ZNF814: variants seen among roughly 807,000 people sequenced by gnomAD.
The protein encoded by ZNF814 is zinc finger protein 814.
A neutral mutation model predicts 7.5 loss-of-function variants in ZNF814; 5 were observed. The observed-to-expected ratio is 0.67, with a 90% CI of 0.35 to 1.40. The LOEUF (loss-of-function observed/expected upper bound fraction) is 1.40, where lower values mean the gene tolerates loss of function less well. ZNF814 is among the 40% of genes most tolerant of loss of function. ZNF814 has a pLI of 0.04. For missense variants in ZNF814, 962 were observed against 1,018.0 expected (o/e 0.94, Z 0.75); for synonymous variants, 315 against 340.7 (o/e 0.92, Z 0.83).
At position 57,871,514 on chromosome 19, in the gene ZNF814, C is replaced by T. The variant is rs945044878; in HGVS notation, c.*1308G>A. The T allele has an allele frequency of 6.6e-6, 1 of 152,254 alleles. No individual in the cohort carries two copies. Among genetic ancestry groups the T allele is most frequent in the Middle Eastern group, 3.4e-3 (1 of 294 alleles). 9.4% of individuals were successfully genotyped at this position (152,254 alleles called of 1,614,324 possible). On this transcript the variant is annotated 3_prime_UTR_variant, in exon 3 of 3. Coordinates refer to ENST00000435989, the MANE Select transcript of ZNF814 (RefSeq NM_001144989.2). ...CCACCCATACAGTGACAACAACCCT[C>T]AAGATTGAAGAAGGCTGAAACAATA...
chr19:57,876,405 A>G (rs1285954401), intron 2 of ZNF814: 2 of 161,652 alleles, frequency 1.2e-5, no homozygotes, highest in African/African-American at 4.8e-5. Flanking sequence ...AGACTAAGGG[A>G]AAGACAGAAC....
chr19:57,876,830 C>T (rs2071610591), intron 2 of ZNF814, 86 bp downstream of exon 2: 1 of 1,582,416 alleles, frequency 6.3e-7, no homozygotes, highest in Admixed American at 1.8e-5. Context: ...TGTCCATGCT[C>T]CTGACATGAG....
chr19:57,876,733 G>C (rs1457077802), intron 2 of ZNF814, 183 bp downstream of exon 2: 4 of 983,638 alleles, frequency 4.1e-6, no homozygotes, highest in Non-Finnish European at 5.8e-6. Context: ...GCAGGTGTTG[G>C]GGCTGCTCCA....
At chr19:57,888,564 T>C (rs2071712296) in intron 1 of ZNF814, among the ~76,000 whole-genome samples, 1 of 152,262 alleles carries the variant, frequency 6.6e-6, no homozygotes, top group East Asian at 1.9e-4. Context: ...TCAGTTCACT[T>C]CCAGGCCTTT....
chr19:57,891,852 C>T (rs972341600), upstream of ZNF814, among the ~76,000 whole-genome samples: 25 of 152,086 alleles, frequency 1.6e-4, no homozygotes, highest in African/African-American at 5.8e-4. Flanking sequence ...CTCCTGGGTT[C>T]GAGCAATTCT....
upstream of ZNF814, among the ~76,000 whole-genome samples, chr19:57,892,697 G>A (rs763135265): frequency 2.0e-4 from 31 of 152,364 alleles, no homozygotes; most frequent in Middle Eastern, 0.01. Flanking sequence ...AGATCCCCTT[G>A]CTACTGACAA....
In ZNF814 at chr19:57,873,374, C is replaced by T; in HGVS notation, c.2016G>A (p.Lys672=). The change falls in exon 3 of 3, where the codon AAG becomes AAA. Residue 672 remains lysine (K), a synonymous_variant. Coordinates refer to ENST00000435989, the MANE Select transcript of ZNF814 (RefSeq NM_001144989.2). ...CGECGKCFSH[K]GNLILHQHGH... is the part of the protein sequence containing the mutation. ...CATGCTGGTGTAGAATGAGGTTACCCTTGTGACTAAAACATTTCCCACATT... is the reference window on the plus strand; with the variant it reads ...CATGCTGGTGTAGAATGAGGTTACCTTTGTGACTAAAACATTTCCCACATT... 1 of 1,604,090 alleles carries T rather than the reference C, an allele frequency of 6.2e-7. No individual in the cohort carries two copies. Among genetic ancestry groups the T allele is most frequent in the Non-Finnish European group, 8.5e-7 (1 of 1,175,104 alleles).
In ZNF814 at chr19:57,874,065, CCA is replaced by C. The variant is rs2071582201; in HGVS notation, c.1323_1324del (p.Cys441TrpfsTer5). The C allele has an allele frequency of 1.2e-6, 2 of 1,608,822 alleles. No homozygotes were observed. The highest frequency in any genetic ancestry group is 4.5e-5 in the East Asian group (2 of 44,554). On this transcript the variant is annotated frameshift_variant, in exon 3 of 3. Coordinates refer to ENST00000435989, the MANE Select transcript of ZNF814 (RefSeq NM_001144989.2). LOFTEE classifies it low-confidence loss of function (END_TRUNC). ...ATGTCCTTCTGAACTAAAAGATTTC[CCA>C]CATTCTTCACACCCATAAGGTTTTT...
chr19:57,873,389 T>C lies in ZNF814; in HGVS notation c.2001A>G (p.Lys667=). 2 of 1,608,752 alleles carry C rather than the reference T, an allele frequency of 1.2e-6. No homozygotes were observed. Among genetic ancestry groups the C allele is most frequent in the South Asian group, 1.1e-5 (1 of 90,572 alleles). ...TGAGGTTACCCTTGTGACTAAAACA[T>C]TTCCCACATTCCCCACACTTAAAAG... ...ERPFKCGECG[K]CFSHKGNLIL... Residue 667 remains lysine (K), a synonymous_variant, in exon 3 of 3, where the codon AAA becomes AAG. Transcript: ENST00000435989.
At chr19:57,900,281 C>T in the ZNF814 span, 1 of 152,150 alleles carries the variant, frequency 6.6e-6, no homozygotes, top group African/African-American at 2.4e-5. Context: ...GTGCAAATCA[C>T]ACAAAATATT....
At chr19:57,892,445 C>A (rs1199075193), upstream of ZNF814, among the ~76,000 whole-genome samples, 1 of 152,152 alleles carries the variant, frequency 6.6e-6, no homozygotes, top group Admixed American at 6.6e-5. Context: ...TGGTTCAATG[C>A]CCAAATTAGG....
intron 1 of ZNF814, among the ~76,000 whole-genome samples, chr19:57,886,815 G>A (rs1266736075): frequency 2.0e-5 from 3 of 150,672 alleles, no homozygotes; most frequent in Admixed American, 6.6e-5. Context: ...GGGAGGCGGA[G>A]GTTGCAGTGA....
At chr19:57,894,828 C>T in the ZNF814 span, among the ~76,000 whole-genome samples, 5 of 149,696 alleles carry the variant, frequency 3.3e-5, no homozygotes, top group African/African-American at 7.4e-5. Flanking sequence ...AGCGAGACTC[C>T]GTCTCAGAAA....
intron 1 of ZNF814, 110 bp downstream of exon 1, chr19:57,888,657 A>C: frequency 1.4e-6 from 2 of 1,380,202 alleles, no homozygotes; most frequent in East Asian, 2.5e-5. Flanking sequence ...CAAGCGCCTC[A>C]GTGTCCCAAC....
the ZNF814 span, among the ~76,000 whole-genome samples, chr19:57,897,291 G>A: frequency 1.3e-5 from 2 of 152,144 alleles, no homozygotes; most frequent in East Asian, 1.9e-4. Flanking sequence ...ACTTACACAA[G>A]GCTACTCTTT....
intron 1 of ZNF814, among the ~76,000 whole-genome samples, chr19:57,883,357 CA>C (rs768307718): frequency 0.026 from 1,667 of 65,262 alleles, 25 homozygotes; most frequent in African/African-American, 0.077. Context: ...GACTCCATCT[CA>C]AAAAAAAAAA....
At chr19:57,903,636 A>G in the ZNF814 span, among the ~76,000 whole-genome samples, 6 of 152,190 alleles carry the variant, frequency 3.9e-5, no homozygotes, top group African/African-American at 1.2e-4. Flanking sequence ...CCTGGAACTG[A>G]TATTTTCAGC....
chr19:57,874,951 G>A lies in ZNF814; in HGVS notation c.439C>T (p.Pro147Ser). 1 of 1,612,902 alleles carries A rather than the reference G, an allele frequency of 6.2e-7. No individual in the cohort carries two copies. The highest frequency in any genetic ancestry group is 1.1e-5 in the South Asian group (1 of 91,046). ...GCCTCCTCAACACTCCCTCTGTAGG[G>A]TTTCTCTCCAATGTGCTCATTCTGG... ...QHQNEHIGEK[P>S]YRGSVEEALF... Residue 147 changes from proline (P) to serine (S), a missense_variant, in exon 3 of 3, where the codon CCC becomes TCC. By Grantham distance (74) the Pro-to-Ser change is moderately conservative. This residue lies in a region of ZNF814 where 65 missense variants were observed against 131.3 expected (regional missense o/e 0.50). Coordinates refer to ENST00000435989, the MANE Select transcript of ZNF814 (RefSeq NM_001144989.2).
Position 57,872,100 on chromosome 19 carries a change from T to G in ZNF814, c.*722A>C, listed in dbSNP as rs138370027. Among the ~76,000 whole-genome samples, 2 of 152,116 alleles carry G rather than the reference T, an allele frequency of 1.3e-5. No homozygotes were observed. Among genetic ancestry groups the G allele is most frequent in the Admixed American group, 1.3e-4 (2 of 15,252 alleles). On this transcript the variant is annotated 3_prime_UTR_variant, in exon 3 of 3. Transcript: ENST00000435989. ...CATCCTGAGCGACACAGTGACAACC[T>G]GTCTCAAAAAAAATCTAGCAAGGTA...
Sources: allele counts gnomAD v4.1 joint callset (sites outside exome capture counted in the v4.1 genomes callset), GRCh38; gene constraint gnomAD v4.1.1; regional missense constraint gnomAD v4.1.1; transcripts MANE v1.5; gene names NCBI Gene and HGNC (gene_info 2026-07-23, HGNC 2026-07-21).